SARNP: variants seen among roughly 807,000 people sequenced by gnomAD.
SARNP encodes SAP domain-containing ribonucleoprotein.
SARNP carries 5 observed loss-of-function variants against 38.1 expected under a neutral mutation model. The observed-to-expected ratio is 0.13, with a 90% CI of 0.07 to 0.28. The LOEUF (loss-of-function observed/expected upper bound fraction) is 0.28. SARNP is among the 10% of genes least tolerant of loss of function. The probability of loss-of-function intolerance (pLI) is 1.00; values close to 1 mark genes in which losing one functional copy is unlikely to be tolerated. For missense variants in SARNP, 180 were observed against 243.9 expected, an observed-to-expected ratio of 0.74 and a Z score of 1.75; for synonymous variants, 84 against 80.6, an observed-to-expected ratio of 1.04 and a Z score of -0.23.
chr12:55,760,309 T>C (rs1011919538), intron 10 of SARNP: 2 of 500,606 alleles, frequency 4.0e-6, no homozygotes, highest in East Asian at 3.0e-5. Flanking sequence ...GAGACCAGCC[T>C]GAGCAACAGA....
chr12:55,800,789 G>T, intron 3 of SARNP, 65 bp downstream of exon 3: 1 of 1,431,160 alleles, frequency 7.0e-7, no homozygotes, highest in Non-Finnish European at 9.9e-7. Context: ...AATGACTGAT[G>T]TTAAAGCAAT....
intron 5 of SARNP, 56 bp from the exon 6 acceptor site, chr12:55,794,936 T>G: frequency 1.7e-6 from 1 of 571,538 alleles, no homozygotes; most frequent in Non-Finnish European, 3.1e-6. Flanking sequence ...TTTAAGAAAG[T>G]CAGTCAGAGG....
chr12:55,781,229 G>C (rs1879331150), intron 9 of SARNP, among the ~76,000 whole-genome samples: 1 of 152,152 alleles, frequency 6.6e-6, no homozygotes, highest in Non-Finnish European at 1.5e-5. Flanking sequence ...CTTTGTCTCA[G>C]CTTCCTCTTT....
At chr12:55,793,451 T>C (rs1305314766) in intron 7 of SARNP, 3 of 152,084 alleles carry the variant, frequency 2.0e-5, no homozygotes, top group South Asian at 2.1e-4. Context: ...CCTCAGGGGA[T>C]TGGATCCAAA....
intron 1 of SARNP, among the ~76,000 whole-genome samples, chr12:55,809,330 G>C (rs993340056): frequency 6.6e-6 from 1 of 152,008 alleles, no homozygotes; most frequent in Admixed American, 6.6e-5. Flanking sequence ...TACAGTCCCA[G>C]CTACTCAGGT....
intron 1 of SARNP, among the ~76,000 whole-genome samples, chr12:55,805,037 GT>G (rs2136203709): frequency 6.6e-6 from 1 of 152,144 alleles, no homozygotes; most frequent in African/African-American, 2.4e-5. Context: ...GCCGAGGCGA[GT>G]GGATCACAAG....
At chr12:55,771,854 G>A (rs1879018525) in intron 9 of SARNP, among the ~76,000 whole-genome samples, 2 of 152,104 alleles carry the variant, frequency 1.3e-5, no homozygotes, top group South Asian at 2.1e-4. Context: ...GCAGAGCCTG[G>A]GGGCTTTCAG....
intron 4 of SARNP, among the ~76,000 whole-genome samples, chr12:55,799,808 T>C (rs1266647466): frequency 6.6e-6 from 1 of 150,754 alleles, no homozygotes; most frequent in Non-Finnish European, 1.5e-5. Flanking sequence ...CACCTCGGCC[T>C]CCCAAAGTGC....
At chr12:55,769,307 T>G (rs1878938043) in intron 9 of SARNP, among the ~76,000 whole-genome samples, 1 of 152,160 alleles carries the variant, frequency 6.6e-6, no homozygotes, top group South Asian at 2.1e-4. Flanking sequence ...AGTATCTACT[T>G]TGGGTCAGGT....
intron 7 of SARNP, among the ~76,000 whole-genome samples, chr12:55,791,723 AAAAG>A (rs1480143173): frequency 2.0e-5 from 3 of 151,976 alleles, no homozygotes; most frequent in Non-Finnish European, 4.4e-5. Flanking sequence ...AAAAGAGAAA[AAAAG>A]AAATTATGGC....
At chr12:55,807,813 CAA>C (rs57965695) in intron 1 of SARNP, among the ~76,000 whole-genome samples, 49 of 89,670 alleles carry the variant, frequency 5.5e-4, no homozygotes, top group Admixed American at 5.6e-4. Flanking sequence ...GACTTTGTCT[CAA>C]AAAAAAAAAA....
intron 4 of SARNP, 136 bp downstream of exon 4, chr12:55,800,426 A>G: frequency 1.6e-6 from 1 of 621,018 alleles, no homozygotes; most frequent in Non-Finnish European, 2.7e-6. Flanking sequence ...AGTCCCTTCT[A>G]AAAAACAAAA....
chr12:55,763,473 A>G (rs1878737844), intron 9 of SARNP, among the ~76,000 whole-genome samples: 1 of 151,824 alleles, frequency 6.6e-6, no homozygotes, highest in Non-Finnish European at 1.5e-5. Flanking sequence ...CACCACACCT[A>G]ATTTTTGTAT....
At chr12:55,786,388 C>G (rs770664806) in intron 9 of SARNP, among the ~76,000 whole-genome samples, 7 of 152,166 alleles carry the variant, frequency 4.6e-5, no homozygotes, top group Non-Finnish European at 8.8e-5. Flanking sequence ...GCCGCAGAAC[C>G]AAGGCACCCT....
At chr12:55,765,264 C>T (rs74993707) in intron 9 of SARNP, among the ~76,000 whole-genome samples, 4,520 of 152,280 alleles carry the variant, frequency 0.03, 82 homozygotes, top group Middle Eastern at 0.12. Context: ...TTGGAATGTG[C>T]GGGCCAGTTT....
At chr12:55,803,375 T>C (rs1017295675) in intron 2 of SARNP, among the ~76,000 whole-genome samples, 9 of 151,736 alleles carry the variant, frequency 5.9e-5, no homozygotes, top group African/African-American at 1.7e-4. Flanking sequence ...TCCCAGCTGC[T>C]TGGGAGGCTG....
At chr12:55,757,207 G>C (rs1878532954), downstream of SARNP, 1 of 225,076 alleles carries the variant, frequency 4.4e-6, no homozygotes, top group Non-Finnish European at 8.7e-6. Context: ...TGCCCCTGAA[G>C]CTCCCCTTAT....
At chr12:55,817,555 G>C in intron 1 of SARNP, 111 bp downstream of exon 1, 2 of 1,012,256 alleles carry the variant, frequency 2.0e-6, no homozygotes, top group African/African-American at 1.7e-5. Flanking sequence ...CGGGAGCCGA[G>C]AAACGAAGTG....
intron 4 of SARNP, among the ~76,000 whole-genome samples, chr12:55,799,766 C>A (rs1184742150): frequency 6.6e-6 from 1 of 151,032 alleles, no homozygotes; most frequent in African/African-American, 2.4e-5. Context: ...CTTGGCCAGG[C>A]TGGTCTTGAA....
Sources: gnomAD v4.1 joint callset for allele counts (sites outside exome capture counted in the v4.1 genomes callset) on GRCh38, gnomAD v4.1.1 for gene constraint, MANE v1.5 for transcripts, NCBI Gene and HGNC (gene_info 2026-07-23, HGNC 2026-07-21) for gene names.